Variants in CEP85L observed in about 807,000 individuals in gnomAD.
The protein encoded by CEP85L is centrosomal protein 85L, also known as centrosomal protein of 85 kDa-like.
In CEP85L, 60 loss-of-function variants were observed where a neutral mutation model predicts 100.3. That is an observed-to-expected ratio of 0.60 (90% CI 0.49 to 0.74). The LOEUF (loss-of-function observed/expected upper bound fraction) is 0.74, where lower values mean the gene tolerates loss of function less well. Among genes scored for constraint, CEP85L ranks in the 30% least tolerant of loss-of-function variants. The pLI, the probability that CEP85L is intolerant of heterozygous loss-of-function variation, is 0.00. For synonymous variants in CEP85L, 319 were observed against 322.7 expected, an observed-to-expected ratio of 0.99 and a Z score of 0.12; for missense variants, 973 against 936.2, an observed-to-expected ratio of 1.04 and a Z score of -0.51.
At chr6:118,564,555 T>C (rs1458146863) in intron 3 of CEP85L, among the ~76,000 whole-genome samples, 1 of 152,194 alleles carries the variant, frequency 6.6e-6, no homozygotes, top group Non-Finnish European at 1.5e-5. Flanking sequence ...ATGTTAAGGG[T>C]TCTCCTATGA....
chr6:118,594,184 A>C (rs564337836), intron 2 of CEP85L, among the ~76,000 whole-genome samples: 1 of 152,358 alleles, frequency 6.6e-6, no homozygotes, highest in Admixed American at 6.5e-5. Context: ...CAGACATTCA[A>C]TTAATATTGG....
At chr6:118,505,409 C>CAAAAAAAAAAAAAA (rs56893664) in intron 5 of CEP85L, among the ~76,000 whole-genome samples, 15 of 71,816 alleles carry the variant, frequency 2.1e-4, no homozygotes, top group East Asian at 2.9e-4. Context: ...TCACTGTACT[C>CAAAAAAAAAAAAAA]AAAAAAAAAA....
chr6:118,472,647 A>C (rs766309185), intron 10 of CEP85L, among the ~76,000 whole-genome samples: 1 of 152,226 alleles, frequency 6.6e-6, no homozygotes, highest in Non-Finnish European at 1.5e-5. Flanking sequence ...CTTAAAATAT[A>C]CTTGCTCAAA....
intron 10 of CEP85L, among the ~76,000 whole-genome samples, chr6:118,477,470 T>G (rs1773470364): frequency 6.6e-6 from 1 of 152,202 alleles, no homozygotes; most frequent in African/African-American, 2.4e-5. Context: ...TAGCTGTATT[T>G]TGAACACAGC....
chr6:118,494,600 G>GA (rs994708029), intron 5 of CEP85L, among the ~76,000 whole-genome samples: 3 of 152,034 alleles, frequency 2.0e-5, no homozygotes, highest in African/African-American at 4.8e-5. Context: ...GGTGGGGAAA[G>GA]AAAAAATCTT....
intron 5 of CEP85L, chr6:118,501,461 A>C: frequency 5.0e-6 from 2 of 402,604 alleles, no homozygotes; most frequent in South Asian, 3.9e-5. Flanking sequence ...GCTGCAGAGA[A>C]AAGATCCAAG....
At chr6:118,558,437 T>C (rs997634022) in intron 3 of CEP85L, among the ~76,000 whole-genome samples, 1 of 151,830 alleles carries the variant, frequency 6.6e-6, no homozygotes, top group Non-Finnish European at 1.5e-5. Context: ...TTGTTATATG[T>C]TGTTTTGCGT....
At chr6:118,532,859 T>C (rs905428651) in intron 3 of CEP85L, among the ~76,000 whole-genome samples, 1 of 152,112 alleles carries the variant, frequency 6.6e-6, no homozygotes, top group African/African-American at 2.4e-5. Context: ...CAATAATACA[T>C]CTTAAAGCAA....
intron 4 of CEP85L, among the ~76,000 whole-genome samples, chr6:118,517,918 C>G (rs111233522): frequency 0.36 from 55,042 of 152,042 alleles, 10,742 homozygotes; most frequent in Non-Finnish European, 0.45. Context: ...GCATCAATAC[C>G]TAGTTTATTG....
chr6:118,483,817 T>A lies in CEP85L; in HGVS notation c.1479A>T (p.Lys493Asn), dbSNP rs200669850. The A allele has an allele frequency of 3.1e-6, 5 of 1,613,880 alleles. No homozygotes were observed. Among genetic ancestry groups the A allele is most frequent in the Non-Finnish European group, 4.2e-6 (5 of 1,179,882 alleles). ...TGTTTTGTTCAGATTCCTTCTGGCA[T>A]TTCTTTTTCAGACTACTGATGTATC... ...RDRYISSLKK[K>N]CQKESEQNKE... Residue 493 changes from lysine (K) to asparagine (N), a missense_variant, in exon 7 of 13, where the codon AAA (lysine) becomes AAT (asparagine). Physicochemically the swap from Lys to Asn is moderately conservative, Grantham distance 94. Around this residue, in one of 3 missense-constraint regions of CEP85L, gnomAD observed 890 missense variants for 844.5 expected, o/e 1.05. Coordinates refer to ENST00000368491, the MANE Select transcript of CEP85L (RefSeq NM_001042475.3).
intron 6 of CEP85L, among the ~76,000 whole-genome samples, chr6:118,490,219 T>A (rs1345044053): frequency 3.9e-5 from 6 of 152,174 alleles, no homozygotes; most frequent in African/African-American, 1.2e-4. Flanking sequence ...TACTCTTCGA[T>A]GCATACAAAG....
At chr6:118,656,228 G>A (rs1456705484), upstream of CEP85L, among the ~76,000 whole-genome samples, 1 of 152,184 alleles carries the variant, frequency 6.6e-6, no homozygotes, top group East Asian at 1.9e-4. Flanking sequence ...ACAGGAAAAA[G>A]GGGCAAAGAA....
chr6:118,675,246 C>T (rs541420032), intron 1 of CEP85L, among the ~76,000 whole-genome samples: 1 of 152,056 alleles, frequency 6.6e-6, no homozygotes, highest in Admixed American at 6.5e-5. Context: ...TATGATTCCA[C>T]ATAAAATATA....
chr6:118,480,137 T>A (rs1350113774), intron 9 of CEP85L, among the ~76,000 whole-genome samples: 1 of 152,142 alleles, frequency 6.6e-6, no homozygotes, highest in Non-Finnish European at 1.5e-5. Context: ...ATTTATAAAA[T>A]TTTTAAGAGT....
At chr6:118,620,651 T>C (rs1773377314) in intron 2 of CEP85L, among the ~76,000 whole-genome samples, 1 of 152,136 alleles carries the variant, frequency 6.6e-6, no homozygotes, top group African/African-American at 2.4e-5. Flanking sequence ...CGCCAGCTCA[T>C]ATCACCCTCA....
At position 118,505,987 on chromosome 6, in the gene CEP85L, T is replaced by C. The variant is rs191763647; in HGVS notation, c.1257+5311A>G. ...GGGGGAGGTTGAGCACGTGTGAAGATATGGAGGATATGGGAGATCTTGGTA... is the reference window on the plus strand; with the variant it reads ...GGGGGAGGTTGAGCACGTGTGAAGACATGGAGGATATGGGAGATCTTGGTA... On this transcript the variant is annotated intron_variant, in intron 5 of 12. Transcript: ENST00000368491. Among the ~76,000 whole-genome samples the C allele has an allele frequency of 3.9e-5, 6 of 152,252 alleles. No homozygotes were observed. The South Asian group carries it at 1.0e-3, about 26-fold the overall frequency.
At chr6:118,470,440 C>T (rs1308994882) in intron 11 of CEP85L, 97 bp downstream of exon 11, 1 of 568,422 alleles carries the variant, frequency 1.8e-6, no homozygotes, top group African/African-American at 1.9e-5. Flanking sequence ...ATATCAAAAT[C>T]ATGTCTTTAA....
chr6:118,559,669 A>C (rs1209197835), intron 3 of CEP85L: 1 of 169,536 alleles, frequency 5.9e-6, no homozygotes, highest in Admixed American at 6.3e-5. Context: ...TGCCACATTA[A>C]CATCTTTTAA....
intron 1 of CEP85L, among the ~76,000 whole-genome samples, chr6:118,649,622 A>G (rs967766707): frequency 3.3e-5 from 5 of 152,204 alleles, no homozygotes; most frequent in African/African-American, 9.6e-5. Context: ...GCCCCTAGGG[A>G]TAATGAAGTA....
Sources: gnomAD v4.1 joint callset for allele counts (sites outside exome capture counted in the v4.1 genomes callset) on GRCh38, gnomAD v4.1.1 for gene constraint, gnomAD v4.1.1 regional missense constraint, MANE v1.5 for transcripts, NCBI Gene and HGNC (gene_info 2026-07-23, HGNC 2026-07-21) for gene names.